MIIP: variants seen among roughly 807,000 people sequenced by gnomAD.
MIIP encodes the protein migration and invasion inhibitory protein.
A neutral mutation model predicts 44.8 loss-of-function variants in MIIP; 44 were observed. The ratio of observed to expected loss-of-function variants is 0.98; its 90% CI spans 0.77 to 1.26. The LOEUF (loss-of-function observed/expected upper bound fraction) is 1.26. Among genes scored for constraint, MIIP ranks in the 50% most tolerant of loss-of-function variants. MIIP has a pLI of 0.00. For missense variants in MIIP, 496 were observed against 511.7 expected (o/e 0.97, Z 0.30); for synonymous variants, 225 against 218.3 (o/e 1.03, Z -0.27).
At chr1:12,027,818 C>A (rs371085863) in intron 4 of MIIP, among the ~76,000 whole-genome samples, 24 of 152,330 alleles carry the variant, frequency 1.6e-4, no homozygotes, top group African/African-American at 5.3e-4. Flanking sequence ...GCAGTCTTTC[C>A]TGTCTCCATA....
chr1:12,028,463 A>G (rs1209952947), intron 4 of MIIP, among the ~76,000 whole-genome samples: 3 of 151,948 alleles, frequency 2.0e-5, no homozygotes, highest in African/African-American at 7.3e-5. Flanking sequence ...TCCTCAGCTG[A>G]ACCATGCACA....
In MIIP at chr1:12,022,422, C is replaced by T; in HGVS notation, c.442C>T (p.Gln148Ter). The change falls in exon 3 of 10, where the codon CAA becomes TAA. Residue 148 changes from glutamine (Q) to a stop codon, truncating the protein, a stop_gained. Transcript: ENST00000235332. LOFTEE classifies it high-confidence loss of function. ...ACAGACCCCGAGGTCCATCCTGGCT[C>T]AACAGAGCAAGCTGTCCAAGGTAAC... ...EAQTPRSILA[Q>*]QSKLSKPRVT... is the part of the protein sequence containing the mutation. 1.3e-6 allele frequency: 2 copies of T among 1,579,700 alleles called. No homozygotes were observed. The highest frequency in any genetic ancestry group is 1.1e-5 in the South Asian group (1 of 87,524).
chr1:12,024,392 A>T (rs1391212695), intron 4 of MIIP, among the ~76,000 whole-genome samples: 1 of 152,148 alleles, frequency 6.6e-6, no homozygotes, highest in Non-Finnish European at 1.5e-5. Flanking sequence ...TGTTTGTGTA[A>T]ATACATAACA....
chr1:12,021,880 C>A, intron 2 of MIIP, 40 bp downstream of exon 2: 1 of 1,510,180 alleles, frequency 6.6e-7, no homozygotes, highest in East Asian at 2.3e-5. Context: ...AAGGGGCTAC[C>A]TGACCTTCAG....
In MIIP at chr1:12,022,437, T is replaced by C. The variant is rs751851258; in HGVS notation, c.457T>C (p.Ser153Pro). 2.6e-5 allele frequency: 40 copies of C among 1,549,160 alleles called. No homozygotes were observed. In the South Asian group the frequency reaches 3.8e-4, roughly 15 times the overall value. The part of the protein sequence containing the change: ...RSILAQQSKL[S>P]KPRVTFSEES... ...CATCCTGGCTCAACAGAGCAAGCTG[T>C]CCAAGGTAACGTGGGAGAGCGGGAC... Residue 153 changes from serine to proline, a missense_variant, in exon 3 of 10, where the codon TCC becomes CCC. Transcript: ENST00000235332.
chr1:12,028,919 G>A lies in MIIP; in HGVS notation c.548-114G>A, dbSNP rs555511287. 768 of 791,128 alleles carry A rather than the reference G, an allele frequency of 9.7e-4. 4 individuals carry two copies. The African/African-American group carries it at 0.012, about 12-fold the overall frequency. 49.0% of individuals were successfully genotyped at this position (791,128 alleles called of 1,614,324 possible). On this transcript the variant is annotated intron_variant, in intron 4 of 9. Coordinates refer to ENST00000235332, the MANE Select transcript of MIIP (RefSeq NM_021933.4). ...GGCCTGTTTGAGGCACAGTAGGGAT[G>A]AAGCAGGTGGCCTGGGGTGCCAGGG...
rs532498805 is a variant in MIIP, at chr1:12,021,485, G to C, written c.-82-160G>C. On this transcript the variant is annotated intron_variant, in intron 1 of 9. Transcript: ENST00000235332. ...GCTTTCTTTAATTCTAACAACAATC[G>C]TATGAGGTAGATACTGTTGTCGTCC... Among the ~76,000 whole-genome samples, 100 of 152,248 alleles carry C rather than the reference G, an allele frequency of 6.6e-4. 1 individual carries two copies. Among genetic ancestry groups the C allele is most frequent in the African/African-American group, 2.2e-3 (92 of 41,552 alleles).
At chr1:12,019,950 TCTCCGTGCCCC>T (rs1639934557) in intron 1 of MIIP, among the ~76,000 whole-genome samples, 1 of 152,238 alleles carries the variant, frequency 6.6e-6, no homozygotes, top group African/African-American at 2.4e-5. Context: ...CTGGACTGCA[TCTCCGTGCCCC>T]CCGGCCCTGC....
In MIIP at chr1:12,029,263, G is replaced by T. The variant is rs758078929; in HGVS notation, c.697G>T (p.Val233Leu). ...CCTGCGTGAGAGCAGTGGCAGCGGCGTGGAGGAAGACCATGAATGTGAGTG... is the reference window on the plus strand; with the variant it reads ...CCTGCGTGAGAGCAGTGGCAGCGGCTTGGAGGAAGACCATGAATGTGAGTG... ...PGLRESSGSG[V>L]EEDHECVYCY... is the part of the protein sequence containing the mutation. Residue 233 changes from valine (V) to leucine (L), a missense_variant, in exon 6 of 10, where the codon GTG becomes TTG. Transcript: ENST00000235332. The T allele has an allele frequency of 2.2e-5, 35 of 1,613,380 alleles. No homozygotes were observed. Among genetic ancestry groups the T allele is most frequent in the Middle Eastern group, 3.3e-4 (2 of 6,070 alleles).
intron 1 of MIIP, among the ~76,000 whole-genome samples, chr1:12,020,740 A>G (rs1639954447): frequency 6.7e-6 from 1 of 150,340 alleles, no homozygotes. Flanking sequence ...CTGGAGCGCA[A>G]TGGTGCGATC....
chr1:12,025,471 G>A (rs1640087239), intron 4 of MIIP, among the ~76,000 whole-genome samples: 1 of 152,182 alleles, frequency 6.6e-6, no homozygotes, highest in Admixed American at 6.5e-5. Context: ...TCTCTTGACT[G>A]TTGGGAATAA....
At chr1:12,026,901 G>T (rs988856169) in intron 4 of MIIP, among the ~76,000 whole-genome samples, 2 of 151,956 alleles carry the variant, frequency 1.3e-5, no homozygotes, top group African/African-American at 4.8e-5. Context: ...GCCCACATTT[G>T]CTTCCAGTGA....
At chr1:12,028,192 G>T (rs113017350) in intron 4 of MIIP, among the ~76,000 whole-genome samples, 19 of 152,278 alleles carry the variant, frequency 1.2e-4, no homozygotes, top group African/African-American at 4.3e-4. Flanking sequence ...GGGCAACACG[G>T]TGAGATTCTG....
rs140706620 is a variant in MIIP, at chr1:12,031,353, G to T, written c.1030G>T (p.Ala344Ser). 9.9e-6 allele frequency: 16 copies of T among 1,613,938 alleles called. No individual in the cohort carries two copies. The South Asian group carries it at 1.8e-4, about 18-fold the overall frequency. The change falls in exon 9 of 10, where the codon GCT becomes TCT. Residue 344 changes from alanine (A) to serine (S), a missense_variant. Coordinates refer to ENST00000235332, the MANE Select transcript of MIIP (RefSeq NM_021933.4). Reference protein sequence around the residue: ...RNLDLWSSVSAEAQHQKLSGT... With the variant: ...RNLDLWSSVSSEAQHQKLSGT... ...CCTGGACCTCTGGTCCTCTGTCTCC[G>T]CTGAGGCCCAGCACCAGAAGCTGTC...
At chr1:12,030,798 C>T (rs1253971985) in intron 8 of MIIP, among the ~76,000 whole-genome samples, 1 of 151,648 alleles carries the variant, frequency 6.6e-6, no homozygotes, top group Non-Finnish European at 1.5e-5. Flanking sequence ...ATGTCCTTTC[C>T]TGTGTCTCCA....
chr1:12,022,771 G>A, intron 3 of MIIP, 62 bp from the exon 4 acceptor site: 2 of 1,300,804 alleles, frequency 1.5e-6, no homozygotes, highest in South Asian at 1.3e-5. Context: ...CCCTCGAATT[G>A]CGGCTTCCTC....
At chr1:12,029,316 T>G (rs773425692) in intron 6 of MIIP, 35 bp downstream of exon 6, 2 of 1,599,734 alleles carry the variant, frequency 1.3e-6, no homozygotes, top group South Asian at 2.2e-5. Context: ...CGCTGAGTAG[T>G]CCAGCCTCGC....
chr1:12,027,292 G>A (rs1291063089), intron 4 of MIIP, among the ~76,000 whole-genome samples: 1 of 152,182 alleles, frequency 6.6e-6, no homozygotes, highest in African/African-American at 2.4e-5. Context: ...TTATAGGCAT[G>A]AGCCACTGTG....
chr1:12,021,658 G>C lies in MIIP; in HGVS notation c.-69G>C. 1 of 1,414,076 alleles carries C rather than the reference G, an allele frequency of 7.1e-7. No homozygotes were observed. The allele number at this position is 1,414,076 out of a possible 1,614,324, so 87.6% of individuals were successfully genotyped here. A position where few individuals can be genotyped will look rare whatever the true frequency, so the allele number is the denominator to read the frequency against. The stretch of plus-strand genomic sequence containing the variant: ...TCTTGACTTCAGGTAGAAGAGCTGG[G>C]CCTGGAACCCAGCCCTGAGGACATC... On this transcript the variant is annotated 5_prime_UTR_variant, in exon 2 of 10. Coordinates refer to ENST00000235332, the MANE Select transcript of MIIP (RefSeq NM_021933.4).
Sources: allele counts gnomAD v4.1 joint callset (sites outside exome capture counted in the v4.1 genomes callset), GRCh38; gene constraint gnomAD v4.1.1; transcripts MANE v1.5; gene names NCBI Gene and HGNC (gene_info 2026-07-23, HGNC 2026-07-21).